The following KCNK2 variants were observed in gnomAD, a reference collection of about 807,000 sequenced individuals.
KCNK2 encodes the protein potassium two pore domain channel subfamily K member 2, also known as potassium channel subfamily K member 2.
In KCNK2, 21 loss-of-function variants were observed where a neutral mutation model predicts 40.5. That is an observed-to-expected ratio of 0.52 (90% CI 0.37 to 0.75). The LOEUF (loss-of-function observed/expected upper bound fraction) is 0.75, where lower values mean the gene tolerates loss of function less well. KCNK2 is among the 30% of genes least tolerant of loss of function. The probability of loss-of-function intolerance (pLI) is 0.00; values close to 1 mark genes in which losing one functional copy is unlikely to be tolerated. For synonymous variants in KCNK2, 191 were observed against 202.2 expected (o/e 0.94, Z 0.47); for missense variants, 399 against 531.6 (o/e 0.75, Z 2.45).
intron 6 of KCNK2, among the ~76,000 whole-genome samples, chr1:215,211,673 A>G (rs1232451090): frequency 1.3e-5 from 2 of 152,184 alleles, no homozygotes; most frequent in Admixed American, 1.3e-4. Flanking sequence ...TGTTGAATTG[A>G]ATGGATGAAT....
chr1:215,043,524 C>G (rs899613653), intron 1 of KCNK2, among the ~76,000 whole-genome samples: 13 of 152,166 alleles, frequency 8.5e-5, no homozygotes, highest in African/African-American at 2.7e-4. Flanking sequence ...GAACATTACG[C>G]TAAGTGAAAC....
intron 1 of KCNK2, among the ~76,000 whole-genome samples, chr1:215,065,404 GAA>G (rs5780813): frequency 5.3e-5 from 8 of 149,612 alleles, no homozygotes; most frequent in African/African-American, 1.7e-4. Flanking sequence ...CAAATATTCA[GAA>G]AAAAAAAAGA....
intron 1 of KCNK2, among the ~76,000 whole-genome samples, chr1:215,086,045 C>T (rs1460784039): frequency 6.6e-6 from 1 of 152,150 alleles, no homozygotes; most frequent in African/African-American, 2.4e-5. Context: ...TGGACCGGCA[C>T]AGTGGACAGA....
intron 3 of KCNK2, among the ~76,000 whole-genome samples, chr1:215,125,722 G>A (rs1661391311): frequency 7.3e-6 from 1 of 136,796 alleles, no homozygotes; most frequent in African/African-American, 2.7e-5. Context: ...ATGTACCCTA[G>A]AACTTGAAGT....
At chr1:215,133,170 G>A (rs908710123) in intron 3 of KCNK2, among the ~76,000 whole-genome samples, 4 of 152,162 alleles carry the variant, frequency 2.6e-5, no homozygotes, top group Non-Finnish European at 5.9e-5. Context: ...TGTAATTCAA[G>A]TCAGGAATTG....
chr1:215,021,076 G>T (rs1656769279), intron 1 of KCNK2, among the ~76,000 whole-genome samples: 1 of 152,048 alleles, frequency 6.6e-6, no homozygotes, highest in African/African-American at 2.4e-5. Context: ...TTGGATATTA[G>T]ATATTAAGAA....
intron 6 of KCNK2, among the ~76,000 whole-genome samples, chr1:215,208,274 G>A (rs1294246014): frequency 6.6e-6 from 1 of 152,066 alleles, no homozygotes; most frequent in Non-Finnish European, 1.5e-5. Flanking sequence ...TCCAAATACT[G>A]CATGTTCTCA....
chr1:215,083,291 C>T lies in KCNK2; in HGVS notation c.-95C>T. Reference sequence around the variant, plus strand: ...GCCCGTGCAGCTCGGAGCGCGCAGCCCGTCTCTGAATAAGAAGTGAGTACA... The same window carrying T: ...GCCCGTGCAGCTCGGAGCGCGCAGCTCGTCTCTGAATAAGAAGTGAGTACA... On this transcript the variant is annotated 5_prime_UTR_variant, in exon 1 of 7. Coordinates refer to ENST00000444842, the MANE Select transcript of KCNK2 (RefSeq NM_001017425.3). 3.1e-6 allele frequency: 5 copies of T among 1,613,472 alleles called. No individual in the cohort carries two copies. The highest frequency in any genetic ancestry group is 1.3e-5 in the African/African-American group (1 of 74,910).
intron 3 of KCNK2, among the ~76,000 whole-genome samples, chr1:215,165,265 C>T (rs1663390909): frequency 6.6e-6 from 1 of 152,136 alleles, no homozygotes; most frequent in Non-Finnish European, 1.5e-5. Context: ...TAGTTGGAAT[C>T]AGCTAGCCTG....
intron 3 of KCNK2, among the ~76,000 whole-genome samples, chr1:215,141,644 C>A (rs1433558363): frequency 1.3e-5 from 2 of 152,060 alleles, no homozygotes; most frequent in African/African-American, 4.8e-5. Flanking sequence ...CACATGAAAG[C>A]TAATTTGGCT....
chr1:215,074,011 C>T (rs949931910), intron 1 of KCNK2, among the ~76,000 whole-genome samples: 1 of 152,090 alleles, frequency 6.6e-6, no homozygotes, highest in Non-Finnish European at 1.5e-5. Context: ...CCACATGACT[C>T]AGTGTGGAAA....
chr1:215,010,021 A>T (rs1656321745), intron 1 of KCNK2, among the ~76,000 whole-genome samples: 1 of 152,196 alleles, frequency 6.6e-6, no homozygotes, highest in African/African-American at 2.4e-5. Context: ...CAGTGACAAC[A>T]TCAGCTAAAA....
chr1:215,122,944 C>T (rs1026083370), intron 2 of KCNK2, among the ~76,000 whole-genome samples: 2 of 151,642 alleles, frequency 1.3e-5, no homozygotes, highest in African/African-American at 4.8e-5. Flanking sequence ...TGGGGTTTCA[C>T]CATGTTAGCC....
chr1:215,135,901 ATTTTTGTAT>A (rs1197307805), intron 3 of KCNK2, among the ~76,000 whole-genome samples: 1 of 151,674 alleles, frequency 6.6e-6, no homozygotes, highest in East Asian at 2.0e-4. Flanking sequence ...TGCCCAGCTA[ATTTTTGTAT>A]TTTTAGTAGA....
intron 3 of KCNK2, among the ~76,000 whole-genome samples, chr1:215,132,815 A>G (rs752739830): frequency 1.3e-5 from 2 of 152,200 alleles, no homozygotes; most frequent in Non-Finnish European, 1.5e-5. Context: ...GCAGAGTGAA[A>G]AAGTATATTT....
chr1:215,023,327 C>CAT (rs1656876667), intron 1 of KCNK2, among the ~76,000 whole-genome samples: 1 of 152,202 alleles, frequency 6.6e-6, no homozygotes, highest in Non-Finnish European at 1.5e-5. Flanking sequence ...TTCCTGTGCA[C>CAT]TCTTCTTGAC....
intron 1 of KCNK2, among the ~76,000 whole-genome samples, chr1:215,010,950 A>T (rs1326721199): frequency 1.4e-5 from 2 of 146,890 alleles, no homozygotes; most frequent in East Asian, 3.9e-4. Context: ...TAACTAATAT[A>T]TATTATACAT....
chr1:215,077,383 G>A (rs1394395893), intron 1 of KCNK2, among the ~76,000 whole-genome samples: 1 of 152,062 alleles, frequency 6.6e-6, no homozygotes, highest in African/African-American at 2.4e-5. Context: ...CCAAAGGGAC[G>A]CAGAGCCCTG....
At chr1:215,014,289 G>T (rs1656507621) in intron 1 of KCNK2, among the ~76,000 whole-genome samples, 2 of 152,040 alleles carry the variant, frequency 1.3e-5, no homozygotes, top group East Asian at 1.9e-4. Flanking sequence ...TCTCTTGTTT[G>T]CATACTGTTG....
Sources: gnomAD v4.1 joint callset for allele counts (sites outside exome capture counted in the v4.1 genomes callset) on GRCh38, gnomAD v4.1.1 for gene constraint, MANE v1.5 for transcripts, NCBI Gene and HGNC (gene_info 2026-07-23, HGNC 2026-07-21) for gene names.